The following CLSTN3 variants were observed in gnomAD, a reference collection of about 807,000 sequenced individuals.
CLSTN3 encodes calsyntenin 3, also known as calsyntenin-3.
CLSTN3 carries 36 observed loss-of-function variants against 95.9 expected under a neutral mutation model. That is an observed-to-expected ratio of 0.38 (90% CI 0.29 to 0.50). The LOEUF (loss-of-function observed/expected upper bound fraction) is 0.50. Ranked by LOEUF, CLSTN3 falls within the 20% of genes least tolerant of loss-of-function variation. The pLI is 0.95. For synonymous variants in CLSTN3, 481 were observed against 504.0 expected (o/e 0.95, Z 0.61); for missense variants, 1,084 against 1,268.8 (o/e 0.85, Z 2.21).
At chr12:7,136,132 C>T in intron 5 of CLSTN3, 74 bp from the exon 6 acceptor site, 3 of 1,546,070 alleles carry the variant, frequency 1.9e-6, no homozygotes, top group Non-Finnish European at 2.6e-6. Context: ...ATGGACATGG[C>T]AAGAGGAGCA....
rs1939443185 is a variant in CLSTN3 at position 7,137,171 on chromosome 12, C to T, written c.1210+61C>T. 6.6e-7 allele frequency: 1 copy of T among 1,523,836 alleles called. No homozygotes were observed. Among genetic ancestry groups the T allele is most frequent in the East Asian group, 2.3e-5 (1 of 43,830 alleles). The allele number at this position is 1,523,836 out of a possible 1,614,324, so 94.4% of individuals were successfully genotyped here. ...AACTGGCTTCTTGTCCCGCCTCTGT[C>T]ACTGCCCAGTGTGTGACTGTGAACA... On this transcript the variant is annotated intron_variant, in intron 7 of 17. Coordinates refer to ENST00000266546, the MANE Select transcript of CLSTN3 (RefSeq NM_014718.4). The surrounding 1 kb of genome is among the most constrained non-coding windows in gnomAD (Gnocchi z 4.4).
chr12:7,155,076 C>T (rs1000052341), intron 16 of CLSTN3, among the ~76,000 whole-genome samples: 1 of 152,144 alleles, frequency 6.6e-6, no homozygotes, highest in African/African-American at 2.4e-5. Flanking sequence ...AAGAGAGCAC[C>T]GTGTGGGGCC....
Position 7,137,704 on chromosome 12 carries a change from TCAGC to T in CLSTN3, c.1211-239_1211-236del, listed in dbSNP as rs1052551103. ...GAGTGGGCCAGCTGATGTTCCCTCC[TCAGC>T]CAGCCAGCCAGGGTGCCTAAGAAGC... On this transcript the variant is annotated intron_variant, in intron 7 of 17. Coordinates refer to ENST00000266546, the MANE Select transcript of CLSTN3 (RefSeq NM_014718.4). The surrounding 1 kb of genome is among the most constrained non-coding windows in gnomAD (Gnocchi z 4.4). Among the ~76,000 whole-genome samples, 3 of 148,670 alleles carry T rather than the reference TCAGC, an allele frequency of 2.0e-5. No individual in the cohort carries two copies. The East Asian group carries it at 6.1e-4, about 30-fold the overall frequency.
intron 16 of CLSTN3, chr12:7,156,294 G>A (rs752130898): frequency 1.8e-5 from 8 of 456,932 alleles, no homozygotes; most frequent in African/African-American, 1.4e-4. Flanking sequence ...CTGTCCCTGG[G>A]GCTGCGGGCT....
chr12:7,141,159 C>A lies in CLSTN3; in HGVS notation c.1324-83C>A. The A allele has an allele frequency of 7.1e-7, 1 of 1,418,016 alleles. No homozygotes were observed. Among genetic ancestry groups the A allele is most frequent in the South Asian group, 1.3e-5 (1 of 75,160 alleles). 87.8% of individuals were successfully genotyped at this position (1,418,016 alleles called of 1,614,324 possible). ...GGAATAAAGGGACTGTCCCCTGTCT[C>A]CCAGGAGATGGGGCAGTGCCTAGGG... On this transcript the variant is annotated intron_variant, in intron 8 of 17. Coordinates refer to ENST00000266546, the MANE Select transcript of CLSTN3 (RefSeq NM_014718.4). This position sits in a 1 kb window ranked among gnomAD's most constrained non-coding sequence, Gnocchi z 4.1.
rs781079377 is a variant in CLSTN3, at chr12:7,137,119, C to T, written c.1210+9C>T. On this transcript the variant is annotated intron_variant, in intron 7 of 17. Transcript: ENST00000266546. The surrounding 1 kb of genome is among the most constrained non-coding windows in gnomAD (Gnocchi z 4.4). The stretch of plus-strand genomic sequence containing the variant: ...TAACACTGTCCAGAATGGTGAGCCT[C>T]CCCTCCAGGCACTAGCCAGAGGGGG... 1 of 1,595,142 alleles carries T rather than the reference C, an allele frequency of 6.3e-7. No homozygotes were observed. The highest frequency in any genetic ancestry group is 8.6e-7 in the Non-Finnish European group (1 of 1,169,128).
In CLSTN3 at chr12:7,137,791, TGTGTGA is replaced by T. The variant is rs1177729992; in HGVS notation, c.1211-162_1211-157del. 1.6e-3 allele frequency among the ~76,000 whole-genome samples: 185 copies of T among 113,858 alleles called. No homozygotes were observed. The highest frequency in any genetic ancestry group is 5.2e-3 in the African/African-American group (170 of 32,796). 74.7% of individuals were successfully genotyped at this position (113,858 alleles called of 152,430 possible). The stretch of plus-strand genomic sequence containing the variant: ...GTGTGTGTGTGTGTGTGTGTGTGTG[TGTGTGA>T]GAGAGAGAGAGAGAGAGAGAGAGAG... On this transcript the variant is annotated intron_variant, in intron 7 of 17. Coordinates refer to ENST00000266546, the MANE Select transcript of CLSTN3 (RefSeq NM_014718.4). This position sits in a 1 kb window ranked among gnomAD's most constrained non-coding sequence, Gnocchi z 4.4.
intron 12 of CLSTN3, among the ~76,000 whole-genome samples, chr12:7,144,133 A>G (rs1939582691): frequency 6.6e-6 from 1 of 151,494 alleles, no homozygotes; most frequent in Non-Finnish European, 1.5e-5. Flanking sequence ...AGGCTGAGAC[A>G]GGAGAATTGC....
Position 7,143,120 on chromosome 12 carries a change from C to T in CLSTN3, c.1699-43C>T, listed in dbSNP as rs376773751. 5 of 1,602,578 alleles carry T rather than the reference C, an allele frequency of 3.1e-6. No individual in the cohort carries two copies. In the African/African-American group the frequency reaches 6.7e-5, roughly 21 times the overall value. On this transcript the variant is annotated intron_variant, in intron 11 of 17. Transcript: ENST00000266546. ...CTACCTCTGCTCCCTTCCTCTGCCA[C>T]CTCCTGGCCCTGCTCTCAGCTGTAT...
At chr12:7,130,977 G>A (rs1565647307) in intron 1 of CLSTN3, 10 of 568,468 alleles carry the variant, frequency 1.8e-5, no homozygotes, top group Non-Finnish European at 2.8e-5. Context: ...TTCCCGTCCT[G>A]GGGTCTCTAT....
At chr12:7,136,073 CA>C (rs1189459651) in intron 5 of CLSTN3, 120 bp downstream of exon 5, 1 of 1,487,492 alleles carries the variant, frequency 6.7e-7, no homozygotes. Context: ...GGCAGGCTTG[CA>C]GCTATCTACT....
At chr12:7,131,211 T>C (rs1249182760) in intron 1 of CLSTN3, 10 of 235,646 alleles carry the variant, frequency 4.2e-5, no homozygotes, top group Non-Finnish European at 8.5e-5. Flanking sequence ...TGCCTCTGCA[T>C]TCAGACCCTT....
At position 7,137,774 on chromosome 12, in the gene CLSTN3, G is replaced by GTC. The variant is rs1214455816; in HGVS notation, c.1211-180_1211-179insCT. Among the ~76,000 whole-genome samples, 42 of 97,154 alleles carry GTC rather than the reference G, an allele frequency of 4.3e-4. No individual in the cohort carries two copies. Among genetic ancestry groups the GTC allele is most frequent in the Non-Finnish European group, 9.0e-4 (39 of 43,314 alleles). The allele number at this position is 97,154 out of a possible 152,430, so 63.7% of individuals were successfully genotyped here. A position where few individuals can be genotyped will look rare whatever the true frequency, so the allele number is the denominator to read the frequency against. Reference sequence around the variant, plus strand: ...GACTGGAATGTGTGTGTGTGTGTGTGTGTGTGTGTGTGTGTGTGTGTGAGA... The same window carrying GTC: ...GACTGGAATGTGTGTGTGTGTGTGTGTCTGTGTGTGTGTGTGTGTGTGTGAGA... On this transcript the variant is annotated intron_variant, in intron 7 of 17. Transcript: ENST00000266546. The surrounding 1 kb of genome is among the most constrained non-coding windows in gnomAD (Gnocchi z 4.4).
intron 16 of CLSTN3, among the ~76,000 whole-genome samples, chr12:7,153,030 C>T (rs1939751518): frequency 6.6e-6 from 1 of 152,158 alleles, no homozygotes; most frequent in Non-Finnish European, 1.5e-5. Context: ...CTCTGATGCC[C>T]CCAGGGATTC....
Position 7,135,934 on chromosome 12 carries a change from C to A in CLSTN3, c.723C>A (p.Thr241=). 1 of 1,611,136 alleles carries A rather than the reference C, an allele frequency of 6.2e-7. No individual in the cohort carries two copies. Among genetic ancestry groups the A allele is most frequent in the Non-Finnish European group, 8.5e-7 (1 of 1,178,778 alleles). The change falls in exon 5 of 18, where the codon ACC becomes ACA. Residue 241 remains threonine (T), a synonymous_variant. Transcript: ENST00000266546. ...AGGTGGAGATTCAGGTGAAGCCCAC[C>A]TGTAAACCCAGCTGGCAAGGTGAGA... ...DAEVEIQVKP[T]CKPSWQGWNK... is the part of the protein sequence containing the mutation.
chr12:7,152,252 C>T (rs1939736715), intron 16 of CLSTN3, among the ~76,000 whole-genome samples: 1 of 151,940 alleles, frequency 6.6e-6, no homozygotes, highest in Non-Finnish European at 1.5e-5. Context: ...AAGTATTTTC[C>T]CACATTATTA....
At chr12:7,147,193 C>G (rs1939633716) in intron 12 of CLSTN3, among the ~76,000 whole-genome samples, 1 of 151,756 alleles carries the variant, frequency 6.6e-6, no homozygotes, top group Non-Finnish European at 1.5e-5. Context: ...ATACATTTCC[C>G]TGGTGCAAAC....
In CLSTN3 at chr12:7,136,443, T is replaced by C. The variant is rs759257335; in HGVS notation, c.928+52T>C. 90 of 1,481,462 alleles carry C rather than the reference T, an allele frequency of 6.1e-5. 2 individuals are homozygous for C. The South Asian group carries it at 1.2e-3, about 19-fold the overall frequency. The allele number at this position is 1,481,462 out of a possible 1,614,324, so 91.8% of individuals were successfully genotyped here. A position where few individuals can be genotyped will look rare whatever the true frequency, so the allele number is the denominator to read the frequency against. ...GGCCTATCCCTTCCCATCCAACCTC[T>C]GTCCAAACTTTTCCAAGACTCTGCT... is the stretch of plus-strand genomic sequence containing the variant. On this transcript the variant is annotated intron_variant, in intron 6 of 17. Transcript: ENST00000266546.
intron 4 of CLSTN3, 53 bp from the exon 5 acceptor site, chr12:7,135,751 G>T: frequency 1.9e-6 from 3 of 1,549,654 alleles, no homozygotes; most frequent in Non-Finnish European, 1.7e-6. Flanking sequence ...TCCCCTCCCT[G>T]CCCTGGGCTT....
Sources: allele counts gnomAD v4.1 joint callset (sites outside exome capture counted in the v4.1 genomes callset), GRCh38; gene constraint gnomAD v4.1.1; non-coding constraint Gnocchi (gnomAD v3.1); transcripts MANE v1.5; gene names NCBI Gene and HGNC (gene_info 2026-07-23, HGNC 2026-07-21).